The following LPAR3 variants were observed in gnomAD, a reference collection of about 807,000 sequenced individuals.
LPAR3 encodes the protein lysophosphatidic acid receptor 3, also known as LPA receptor 3.
A neutral mutation model predicts 17.8 loss-of-function variants in LPAR3; 7 were observed. The ratio of observed to expected loss-of-function variants is 0.39; its 90% CI spans 0.22 to 0.74. The LOEUF (loss-of-function observed/expected upper bound fraction) is 0.74. LPAR3 is among the 30% of genes least tolerant of loss of function. The pLI, the probability that LPAR3 is intolerant of heterozygous loss-of-function variation, is 0.40. For synonymous variants in LPAR3, 179 were observed against 179.9 expected, an observed-to-expected ratio of 0.99 and a Z score of 0.04; for missense variants, 391 against 453.4, an observed-to-expected ratio of 0.86 and a Z score of 1.25.
chr1:84,817,144 A>G (rs1309412113), intron 2 of LPAR3, among the ~76,000 whole-genome samples: 2 of 152,160 alleles, frequency 1.3e-5, no homozygotes, highest in Non-Finnish European at 2.9e-5. Flanking sequence ...GCTGGTTCCC[A>G]GCAGTCATAG....
At chr1:84,884,473 C>T (rs1208743072) in intron 1 of LPAR3, among the ~76,000 whole-genome samples, 1 of 152,162 alleles carries the variant, frequency 6.6e-6, no homozygotes, top group South Asian at 2.1e-4. Context: ...CACATCTCTC[C>T]TTAGAGTTTT....
intron 1 of LPAR3, among the ~76,000 whole-genome samples, chr1:84,889,803 C>T (rs1319285129): frequency 1.3e-5 from 2 of 152,168 alleles, no homozygotes; most frequent in Admixed American, 1.3e-4. Context: ...TCTGGATGTC[C>T]TGCCTCTTTA....
intron 2 of LPAR3, among the ~76,000 whole-genome samples, chr1:84,850,224 C>T (rs957758943): frequency 4.6e-5 from 7 of 151,760 alleles, no homozygotes; most frequent in African/African-American, 9.7e-5. Flanking sequence ...ATGGAACCCC[C>T]TCCCATGTAA....
chr1:84,866,507 C>A (rs1272835811), intron 1 of LPAR3, among the ~76,000 whole-genome samples: 1 of 152,162 alleles, frequency 6.6e-6, no homozygotes, highest in Non-Finnish European at 1.5e-5. Context: ...ATCAACAGGG[C>A]AAATGTGCTG....
At chr1:84,889,544 T>C (rs902343467) in intron 1 of LPAR3, among the ~76,000 whole-genome samples, 3 of 152,228 alleles carry the variant, frequency 2.0e-5, no homozygotes, top group Admixed American at 6.5e-5. Context: ...AACTTTGCCC[T>C]ATGCCTTCGA....
intron 2 of LPAR3, among the ~76,000 whole-genome samples, chr1:84,848,052 C>T (rs1172045334): frequency 1.3e-5 from 2 of 152,322 alleles, no homozygotes; most frequent in African/African-American, 4.8e-5. Context: ...CTTAACACCA[C>T]GTTGAACAGC....
At position 84,846,387 on chromosome 1, in the gene LPAR3, T is replaced by C. The variant is rs9727545; in HGVS notation, c.736+18998A>G. ...TTTTATTTTCGTAATGCTATAGTGA[T>C]AGGCTCCTGTGTCCAATTCAGATTG... On this transcript the variant is annotated intron_variant, in intron 2 of 2. Coordinates refer to ENST00000370611, the MANE Select transcript of LPAR3 (RefSeq NM_012152.3). Among the ~76,000 whole-genome samples the C allele has an allele frequency of 1.8e-3, 267 of 152,330 alleles. 2 individuals carry two copies. The highest frequency in any genetic ancestry group is 6.3e-3 in the African/African-American group (261 of 41,574).
chr1:84,834,019 C>A (rs1350693857), intron 2 of LPAR3, among the ~76,000 whole-genome samples: 1 of 152,138 alleles, frequency 6.6e-6, no homozygotes, highest in African/African-American at 2.4e-5. Context: ...TAAATTTAGT[C>A]ATTTAGAACA....
intron 2 of LPAR3, among the ~76,000 whole-genome samples, chr1:84,833,963 T>C (rs1051200102): frequency 5.9e-5 from 9 of 152,226 alleles, no homozygotes; most frequent in African/African-American, 2.2e-4. Flanking sequence ...AGAAACTAGC[T>C]ATTCTTTTCT....
intron 2 of LPAR3, among the ~76,000 whole-genome samples, chr1:84,831,888 TAC>T (rs1463160672): frequency 2.7e-5 from 4 of 150,778 alleles, no homozygotes; most frequent in Non-Finnish European, 5.9e-5. Flanking sequence ...TATATATATA[TAC>T]ACACATATGC....
At chr1:84,866,666 A>C (rs1017431045) in intron 1 of LPAR3, among the ~76,000 whole-genome samples, 2 of 152,196 alleles carry the variant, frequency 1.3e-5, no homozygotes, top group Non-Finnish European at 2.9e-5. Context: ...TCCCAAGATA[A>C]TAGGAGTTGA....
At chr1:84,837,210 A>G (rs185724640) in intron 2 of LPAR3, among the ~76,000 whole-genome samples, 2 of 152,218 alleles carry the variant, frequency 1.3e-5, no homozygotes, top group Non-Finnish European at 2.9e-5. Flanking sequence ...TTTAGTAGAG[A>G]CAGGGTTTCA....
chr1:84,833,032 GA>G (rs1659320053), intron 2 of LPAR3, among the ~76,000 whole-genome samples: 1 of 152,174 alleles, frequency 6.6e-6, no homozygotes, highest in African/African-American at 2.4e-5. Context: ...TAAAGGCTAA[GA>G]AAGATTAACG....
At chr1:84,875,116 T>A (rs1332538529) in intron 1 of LPAR3, among the ~76,000 whole-genome samples, 1 of 152,150 alleles carries the variant, frequency 6.6e-6, no homozygotes, top group East Asian at 1.9e-4. Flanking sequence ...GCCAGGCTGG[T>A]CTCAAACTCC....
chr1:84,841,703 T>C (rs974788384), intron 2 of LPAR3, among the ~76,000 whole-genome samples: 1 of 152,194 alleles, frequency 6.6e-6, no homozygotes, highest in African/African-American at 2.4e-5. Flanking sequence ...CACAAACACA[T>C]ATCCTCCATT....
At position 84,865,505 on chromosome 1, in the gene LPAR3, A is replaced by G; in HGVS notation, c.616T>C (p.Tyr206His). 6.2e-7 allele frequency: 1 copy of G among 1,614,198 alleles called. No homozygotes were observed. Among genetic ancestry groups the G allele is most frequent in the Non-Finnish European group, 8.5e-7 (1 of 1,180,048 alleles). Residue 206 changes from tyrosine (Y) to histidine (H), a missense_variant, in exon 2 of 3, where the codon TAC (tyrosine) becomes CAC (histidine). By Grantham distance (83) the Tyr-to-His change is moderately conservative. Transcript: ENST00000370611. ...LMAFLIMVVV[Y>H]LRIYVYVKRK... ...TTGACGTACACGTAGATCCGCAGGT[A>G]CACCACAACCATGATGAGGAAGGCC...
chr1:84,866,485 T>C (rs550460747), intron 1 of LPAR3, among the ~76,000 whole-genome samples: 1 of 152,286 alleles, frequency 6.6e-6, no homozygotes, highest in East Asian at 1.9e-4. Flanking sequence ...ATGAATGAAT[T>C]CTCATGGAGG....
chr1:84,845,340 G>A (rs912865262), intron 2 of LPAR3, among the ~76,000 whole-genome samples: 6 of 152,128 alleles, frequency 3.9e-5, no homozygotes, highest in South Asian at 2.1e-4. Context: ...TTTGTGTTAC[G>A]ACTTTTACAG....
chr1:84,832,032 A>G (rs1010312814), intron 2 of LPAR3, among the ~76,000 whole-genome samples: 1 of 152,124 alleles, frequency 6.6e-6, no homozygotes, highest in Admixed American at 6.6e-5. Flanking sequence ...CTTGGGTGGA[A>G]ACCTAGTTCC....
Sources: gnomAD v4.1 joint callset for allele counts (sites outside exome capture counted in the v4.1 genomes callset) on GRCh38, gnomAD v4.1.1 for gene constraint, MANE v1.5 for transcripts, NCBI Gene and HGNC (gene_info 2026-07-23, HGNC 2026-07-21) for gene names.